Variants in H1-2 observed in about 807,000 individuals in gnomAD.
H1-2 encodes H1.2 linker histone, cluster member, also known as histone H1.2.
In H1-2, 7 loss-of-function variants were observed where a neutral mutation model predicts 7.2. The ratio of observed to expected loss-of-function variants is 0.97; its 90% CI spans 0.55 to 1.82. The LOEUF is 1.82. H1-2 is among the 40% of genes most tolerant of loss of function. H1-2 has a pLI of 0.00. For missense variants in H1-2, 703 were observed against 276.6 expected (o/e 2.54, Z -10.94); for synonymous variants, 300 against 118.2 (o/e 2.54, Z -9.98).
chr6:26,055,829 G>A lies in H1-2; in HGVS notation c.600C>T (p.Pro200=), dbSNP rs996541288. The part of the protein sequence containing the change: ...AKAVKPKAAK[P]KVVKPKKAAP... ...CCGCCTTCTTAGGCTTGACAACCTT[G>A]GGCTTAGCGGCCTTGGGCTTCACAG... Residue 200 remains proline, a synonymous_variant, in exon 1 of 1, where the codon CCC becomes CCT. Coordinates refer to ENST00000343677, the MANE Select transcript of H1-2 (RefSeq NM_005319.4). 6.2e-7 allele frequency: 1 copy of A among 1,611,504 alleles called. No homozygotes were observed. The highest frequency in any genetic ancestry group is 1.3e-5 in the African/African-American group (1 of 74,622).
Position 26,056,198 on chromosome 6 carries a change from G to A in H1-2, c.231C>T (p.Asn77=), listed in dbSNP as rs1209121258. 1.2e-6 allele frequency: 2 copies of A among 1,614,030 alleles called. No individual in the cohort carries two copies. Among genetic ancestry groups the A allele is most frequent in the East Asian group, 2.2e-5 (1 of 44,886 alleles). ...TCTTGAGACCAAGTTTGATACGGCT[G>A]TTGTTTTTCTCCACATCATAGCCGG... The part of the protein sequence containing the change: ...AAAGYDVEKN[N]SRIKLGLKSL... Residue 77 remains asparagine, a synonymous_variant, in exon 1 of 1, where the codon AAC becomes AAT. Coordinates refer to ENST00000343677, the MANE Select transcript of H1-2 (RefSeq NM_005319.4).
In H1-2 at chr6:26,056,099, C is replaced by T. The variant is rs557155387; in HGVS notation, c.330G>A (p.Lys110=). ...GASGSFKLNK[K]AASGEAKPKV... is the part of the protein sequence containing the mutation. Reference sequence around the variant, plus strand: ...TGGGCTTGGCTTCCCCGGAGGCTGCCTTCTTGTTGAGTTTAAAGGAGCCAG... The same window carrying T: ...TGGGCTTGGCTTCCCCGGAGGCTGCTTTCTTGTTGAGTTTAAAGGAGCCAG... The change falls in exon 1 of 1, where the codon AAG becomes AAA. Residue 110 remains lysine (K), a synonymous_variant. Transcript: ENST00000343677. 288 of 1,614,138 alleles carry T rather than the reference C, an allele frequency of 1.8e-4. 3 individuals are homozygous for T. The South Asian group carries it at 2.8e-3, about 15-fold the overall frequency.
At position 26,055,830 on chromosome 6, in the gene H1-2, G is replaced by C. The variant is rs144213764; in HGVS notation, c.599C>G (p.Pro200Arg). 6.2e-7 allele frequency: 1 copy of C among 1,612,066 alleles called. No individual in the cohort carries two copies. Among genetic ancestry groups the C allele is most frequent in the East Asian group, 2.2e-5 (1 of 44,852 alleles). ...AKAVKPKAAKPKVVKPKKAAP... is the reference protein window; with the variant it reads ...AKAVKPKAAKRKVVKPKKAAP... ...CGCCTTCTTAGGCTTGACAACCTTGGGCTTAGCGGCCTTGGGCTTCACAGC... is the reference window on the plus strand; with the variant it reads ...CGCCTTCTTAGGCTTGACAACCTTGCGCTTAGCGGCCTTGGGCTTCACAGC... Residue 200 changes from proline to arginine, a missense_variant, in exon 1 of 1, where the codon CCC (proline) becomes CGC (arginine). Coordinates refer to ENST00000343677, the MANE Select transcript of H1-2 (RefSeq NM_005319.4).
chr6:26,055,977 G>A lies in H1-2; in HGVS notation c.452C>T (p.Ala151Val), dbSNP rs756678851. 1 of 1,613,956 alleles carries A rather than the reference G, an allele frequency of 6.2e-7. No individual in the cohort carries two copies. The highest frequency in any genetic ancestry group is 1.1e-5 in the South Asian group (1 of 91,064). The change falls in exon 1 of 1, where the codon GCT (alanine) becomes GTT (valine). Residue 151 changes from alanine to valine, a missense_variant. Physicochemically the swap from Ala to Val is moderately conservative, Grantham distance 64. Transcript: ENST00000343677. ...AAGGATPKKSAKKTPKKAKKP... is the reference protein window; with the variant it reads ...AAGGATPKKSVKKTPKKAKKP... ...CTTCGCTTTCTTCGGTGTTTTCTTA[G>A]CGCTCTTCTTCGGAGTTGCGCCGCC...
At position 26,055,912 on chromosome 6, in the gene H1-2, T is replaced by G. The variant is rs372698981; in HGVS notation, c.517A>C (p.Ser173Arg). 18 of 1,614,086 alleles carry G rather than the reference T, an allele frequency of 1.1e-5. No individual in the cohort carries two copies. Among genetic ancestry groups the G allele is most frequent in the Non-Finnish European group, 1.5e-5 (18 of 1,180,060 alleles). The change falls in exon 1 of 1, where the codon AGC becomes CGC. Residue 173 changes from serine (S) to arginine (R), a missense_variant. Transcript: ENST00000343677. Reference sequence around the variant, plus strand: ...TTCGCAACCTTGGCCTTCTTTGGGCTCTTAGCCACTTTCTTGGTTACAGTG... The same window carrying G: ...TTCGCAACCTTGGCCTTCTTTGGGCGCTTAGCCACTTTCTTGGTTACAGTG... ...AATVTKKVAK[S>R]PKKAKVAKPK...
In H1-2 at chr6:26,056,082, G is replaced by C. The variant is rs118032130; in HGVS notation, c.347C>G (p.Ala116Gly). ...KLNKKAASGE[A>G]KPKVKKAGGT... ...GCCCGCCTTTTTAACCTTGGGCTTG[G>C]CTTCCCCGGAGGCTGCCTTCTTGTT... The change falls in exon 1 of 1, where the codon GCC becomes GGC. Residue 116 changes from alanine to glycine, a missense_variant. Ala to Gly is a moderately conservative substitution (Grantham distance 60). Transcript: ENST00000343677. The C allele has an allele frequency of 5.0e-4, 808 of 1,614,194 alleles. 22 individuals carry two copies. In the East Asian group the frequency reaches 0.017, roughly 34 times the overall value.
In H1-2 at chr6:26,056,170, G is replaced by C. The variant is rs772279218; in HGVS notation, c.259C>G (p.Leu87Val). The change falls in exon 1 of 1, where the codon CTG becomes GTG. Residue 87 changes from leucine (L) to valine (V), a missense_variant. Physicochemically the swap from Leu to Val is conservative, Grantham distance 32 (BLOSUM62 1). Transcript: ENST00000343677. Reference protein sequence around the residue: ...NSRIKLGLKSLVSKGTLVQTK... With the variant: ...NSRIKLGLKSVVSKGTLVQTK... ...TGCACCAGAGTGCCCTTGCTCACCA[G>C]GCTCTTGAGACCAAGTTTGATACGG... 3.7e-6 allele frequency: 6 copies of C among 1,614,246 alleles called. No homozygotes were observed. The highest frequency in any genetic ancestry group is 5.1e-6 in the Non-Finnish European group (6 of 1,180,040).
Position 26,055,786 on chromosome 6 carries a change from C to T in H1-2, c.*1G>A, listed in dbSNP as rs776514549. On this transcript the variant is annotated 3_prime_UTR_variant, in exon 1 of 1. Transcript: ENST00000343677. Reference sequence around the variant, plus strand: ...TTTGGGTTTTAGAAGTAGGCGTTCGCCTATTTCTTCTTGGGCGCCGCCTTC... The same window carrying T: ...TTTGGGTTTTAGAAGTAGGCGTTCGTCTATTTCTTCTTGGGCGCCGCCTTC... 1.3e-6 allele frequency: 2 copies of T among 1,590,186 alleles called. No individual in the cohort carries two copies. Among genetic ancestry groups the T allele is most frequent in the East Asian group, 2.2e-5 (1 of 44,814 alleles).
In H1-2 at chr6:26,056,154, G is replaced by C. The variant is rs756377093; in HGVS notation, c.275C>G (p.Thr92Ser). The C allele has an allele frequency of 6.2e-7, 1 of 1,614,240 alleles. No homozygotes were observed. The highest frequency in any genetic ancestry group is 1.1e-5 in the South Asian group (1 of 91,084). The change falls in exon 1 of 1, where the codon ACT (threonine) becomes AGT (serine). Residue 92 changes from threonine to serine, a missense_variant. Thr to Ser is a moderately conservative substitution (Grantham distance 58, BLOSUM62 1). Transcript: ENST00000343677. ...LGLKSLVSKG[T>S]LVQTKGTGAS... ...ACCGGTGCCTTTCGTTTGCACCAGA[G>C]TGCCCTTGCTCACCAGGCTCTTGAG...
Position 26,055,847 on chromosome 6 carries a change from C to T in H1-2, c.582G>A (p.Lys194=), listed in dbSNP as rs1170914964. ...KAAKSAAKAV[K]PKAAKPKVVK... is the part of the protein sequence containing the mutation. ...CAACCTTGGGCTTAGCGGCCTTGGG[C>T]TTCACAGCCTTAGCAGCACTTTTGG... is the stretch of plus-strand genomic sequence containing the variant. Residue 194 remains lysine, a synonymous_variant, in exon 1 of 1, where the codon AAG becomes AAA. Coordinates refer to ENST00000343677, the MANE Select transcript of H1-2 (RefSeq NM_005319.4). 3.1e-6 allele frequency: 5 copies of T among 1,613,928 alleles called. No individual in the cohort carries two copies. The highest frequency in any genetic ancestry group is 1.3e-5 in the African/African-American group (1 of 75,030).
Position 26,055,870 on chromosome 6 carries a change from T to TG in H1-2, c.558dup (p.Lys187GlnfsTer5). 1 of 1,614,150 alleles carries TG rather than the reference T, an allele frequency of 6.2e-7. No individual in the cohort carries two copies. The highest frequency in any genetic ancestry group is 8.5e-7 in the Non-Finnish European group (1 of 1,179,960). On this transcript the variant is annotated frameshift_variant, in exon 1 of 1. Coordinates refer to ENST00000343677, the MANE Select transcript of H1-2 (RefSeq NM_005319.4). LOFTEE classifies it high-confidence loss of function. ...GGCTTCACAGCCTTAGCAGCACTTT[T>TG]GGCAGCTTTCTTGGGCTTCGCAACC...
rs200956401 is a variant in H1-2 at position 26,056,459 on chromosome 6, C to T, written c.-31G>A. ...GAATCAAAAACTCGGGTACAAGTGGCAAAGCGCCGATGAAGCAGCGCCTGG... is the reference window on the plus strand; with the variant it reads ...GAATCAAAAACTCGGGTACAAGTGGTAAAGCGCCGATGAAGCAGCGCCTGG... On this transcript the variant is annotated 5_prime_UTR_variant, in exon 1 of 1. Coordinates refer to ENST00000343677, the MANE Select transcript of H1-2 (RefSeq NM_005319.4). The T allele has an allele frequency of 5.2e-6, 8 of 1,540,944 alleles. No individual in the cohort carries two copies. The highest frequency in any genetic ancestry group is 2.3e-5 in the East Asian group (1 of 44,376).
Position 26,056,269 on chromosome 6 carries a change from G to C in H1-2, c.160C>G (p.Arg54Gly). 1.2e-6 allele frequency: 2 copies of C among 1,614,242 alleles called. No individual in the cohort carries two copies. Among genetic ancestry groups the C allele is most frequent in the Non-Finnish European group, 8.5e-7 (1 of 1,180,046 alleles). ...ITKAVAASKE[R>G]SGVSLAALKK... ...AGAGCAGCCAGAGAAACTCCGCTAC[G>C]CTCTTTAGAGGCGGCCACAGCCTTG... Residue 54 changes from arginine (R) to glycine (G), a missense_variant, in exon 1 of 1, where the codon CGT (arginine) becomes GGT (glycine). By Grantham distance (125) the Arg-to-Gly change is moderately radical (BLOSUM62 -2). Transcript: ENST00000343677.
chr6:26,056,354 G>T lies in H1-2; in HGVS notation c.75C>A (p.Ala25=). The T allele has an allele frequency of 1.2e-6, 2 of 1,613,606 alleles. No homozygotes were observed. Among genetic ancestry groups the T allele is most frequent in the Non-Finnish European group, 8.5e-7 (1 of 1,179,780 alleles). The change falls in exon 1 of 1, where the codon GCC becomes GCA. Residue 25 remains alanine, a synonymous_variant. Coordinates refer to ENST00000343677, the MANE Select transcript of H1-2 (RefSeq NM_005319.4). ...TACGAGGCGTACCCCCAGCCTTTTTGGCCGCCTTCTTCTTTACAGGGGCCT... is the reference window on the plus strand; with the variant it reads ...TACGAGGCGTACCCCCAGCCTTTTTTGCCGCCTTCTTCTTTACAGGGGCCT... ...AEKAPVKKKA[A]KKAGGTPRKA...
chr6:26,056,380 T>A lies in H1-2; in HGVS notation c.49A>T (p.Lys17Ter). ...GCCGCCTTCTTCTTTACAGGGGCCT[T>A]CTCCGCAGGAGGCGCGGCAGCGGGA... ...AAPAAAPPAE[K>*]APVKKKAAKK... The change falls in exon 1 of 1, where the codon AAG becomes TAG. Residue 17 changes from lysine to a stop codon, truncating the protein, a stop_gained. Coordinates refer to ENST00000343677, the MANE Select transcript of H1-2 (RefSeq NM_005319.4). LOFTEE classifies it high-confidence loss of function. 1 of 1,607,058 alleles carries A rather than the reference T, an allele frequency of 6.2e-7. No individual in the cohort carries two copies. The highest frequency in any genetic ancestry group is 8.5e-7 in the Non-Finnish European group (1 of 1,176,548).
At position 26,055,771 on chromosome 6, in the gene H1-2, A is replaced by T. The variant is rs2113700328; in HGVS notation, c.*16T>A. 3 of 1,579,326 alleles carry T rather than the reference A, an allele frequency of 1.9e-6. No individual in the cohort carries two copies. The highest frequency in any genetic ancestry group is 2.6e-6 in the Non-Finnish European group (3 of 1,170,372). ...CTCTGAAAAGAGCCTTTTGGGTTTT[A>T]GAAGTAGGCGTTCGCCTATTTCTTC... is the stretch of plus-strand genomic sequence containing the variant. On this transcript the variant is annotated 3_prime_UTR_variant, in exon 1 of 1. Coordinates refer to ENST00000343677, the MANE Select transcript of H1-2 (RefSeq NM_005319.4).
Position 26,055,751 on chromosome 6 carries a change from A to G in H1-2, c.*36T>C, listed in dbSNP as rs760811895. 4.5e-6 allele frequency: 7 copies of G among 1,552,202 alleles called. No homozygotes were observed. Among genetic ancestry groups the G allele is most frequent in the African/African-American group, 4.2e-5 (3 of 71,892 alleles). ...TTTATTGAGATCAGTGGTGGCTCTG[A>G]AAAGAGCCTTTTGGGTTTTAGAAGT... On this transcript the variant is annotated 3_prime_UTR_variant, in exon 1 of 1. Transcript: ENST00000343677.
chr6:26,056,192 A>C lies in H1-2; in HGVS notation c.237T>G (p.Arg79=), dbSNP rs1461214485. The change falls in exon 1 of 1, where the codon CGT becomes CGG. Residue 79 remains arginine (R), a synonymous_variant. Transcript: ENST00000343677. ...CCAGGCTCTTGAGACCAAGTTTGATACGGCTGTTGTTTTTCTCCACATCAT... is the reference window on the plus strand; with the variant it reads ...CCAGGCTCTTGAGACCAAGTTTGATCCGGCTGTTGTTTTTCTCCACATCAT... ...AGYDVEKNNS[R]IKLGLKSLVS... 6.2e-7 allele frequency: 1 copy of C among 1,614,158 alleles called. No individual in the cohort carries two copies. Among genetic ancestry groups the C allele is most frequent in the Non-Finnish European group, 8.5e-7 (1 of 1,180,034 alleles).
chr6:26,055,871 G>T lies in H1-2; in HGVS notation c.558C>A (p.Ala186=), dbSNP rs751596170. The change falls in exon 1 of 1, where the codon GCC becomes GCA. Residue 186 remains alanine (A), a synonymous_variant. Coordinates refer to ENST00000343677, the MANE Select transcript of H1-2 (RefSeq NM_005319.4). ...KAKVAKPKKA[A]KSAAKAVKPK... ...GCTTCACAGCCTTAGCAGCACTTTT[G>T]GCAGCTTTCTTGGGCTTCGCAACCT... is the stretch of plus-strand genomic sequence containing the variant. 3.1e-6 allele frequency: 5 copies of T among 1,614,066 alleles called. No individual in the cohort carries two copies. In the Admixed American group the frequency reaches 6.7e-5, roughly 22 times the overall value.
Sources: gnomAD v4.1 joint callset for allele counts on GRCh38, gnomAD v4.1.1 for gene constraint, MANE v1.5 for transcripts, NCBI Gene and HGNC (gene_info 2026-07-23, HGNC 2026-07-21) for gene names.